Variants in SLC38A1 observed in about 807,000 individuals in gnomAD.
SLC38A1 encodes solute carrier family 38 member 1, also known as sodium-coupled neutral amino acid symporter 1.
Under a neutral mutation model 60.3 loss-of-function variants are expected in SLC38A1, and 18 were observed. The ratio of observed to expected loss-of-function variants is 0.30; its 90% CI spans 0.21 to 0.44. The LOEUF is 0.44. Among genes scored for constraint, SLC38A1 ranks in the 20% least tolerant of loss-of-function variants. The pLI is 1.00. For missense variants in SLC38A1, 448 were observed against 587.2 expected, an observed-to-expected ratio of 0.76 and a Z score of 2.45; for synonymous variants, 196 against 212.1, an observed-to-expected ratio of 0.92 and a Z score of 0.66.
At chr12:46,207,402 G>A in intron 7 of SLC38A1, 127 bp downstream of exon 7, 1 of 1,086,630 alleles carries the variant, frequency 9.2e-7, no homozygotes, top group Non-Finnish European at 1.4e-6. Context: ...TGCTGTCTCT[G>A]CTTTACTTTC....
rs528596146 is a variant in SLC38A1, at chr12:46,239,393, C to T, written c.122+286G>A. 5.0e-4 allele frequency: 104 copies of T among 209,418 alleles called. 1 individual carries two copies. Among genetic ancestry groups the T allele is most frequent in the African/African-American group, 2.1e-3 (92 of 43,228 alleles). 13.0% of individuals were successfully genotyped at this position (209,418 alleles called of 1,614,324 possible). A position where few individuals can be genotyped will look rare whatever the true frequency, so the allele number is the denominator to read the frequency against. On this transcript the variant is annotated intron_variant, in intron 3 of 16. Coordinates refer to ENST00000398637, the MANE Select transcript of SLC38A1 (RefSeq NM_030674.4). ...AGGCTGTAGTGCAGTGGCATGATCT[C>T]GGCTCACTGCAACCTCCGCCTCTCA...
At chr12:46,244,226 G>T (rs188827284) in intron 1 of SLC38A1, among the ~76,000 whole-genome samples, 222 of 152,286 alleles carry the variant, frequency 1.5e-3, no homozygotes, top group African/African-American at 5.1e-3. Flanking sequence ...GAGAGATCAG[G>T]TAAGTCTTAA....
At position 46,202,429 on chromosome 12, in the gene SLC38A1, G is replaced by A. The variant is rs562208396; in HGVS notation, c.902+581C>T. ...ATGTTTGATAACCATAGGCTAAAAA[G>A]AGACATGAAGAAGTTTATAAGCAGG... On this transcript the variant is annotated intron_variant, in intron 12 of 16. Coordinates refer to ENST00000398637, the MANE Select transcript of SLC38A1 (RefSeq NM_030674.4). 4.9e-4 allele frequency among the ~76,000 whole-genome samples: 74 copies of A among 152,222 alleles called. 1 individual carries two copies. The highest frequency in any genetic ancestry group is 1.7e-3 in the African/African-American group (69 of 41,532).
chr12:46,262,343 A>G (rs1942223210), intron 1 of SLC38A1, among the ~76,000 whole-genome samples: 1 of 152,158 alleles, frequency 6.6e-6, no homozygotes, highest in Admixed American at 6.5e-5. Flanking sequence ...TCAACCTATA[A>G]CTGGATATAG....
chr12:46,240,658 G>T (rs868484095), intron 2 of SLC38A1, among the ~76,000 whole-genome samples: 1 of 152,112 alleles, frequency 6.6e-6, no homozygotes, highest in Non-Finnish European at 1.5e-5. Flanking sequence ...ACGCAACCCT[G>T]GTAGTCAACC....
At chr12:46,259,162 A>G (rs911064402) in intron 1 of SLC38A1, among the ~76,000 whole-genome samples, 1 of 152,240 alleles carries the variant, frequency 6.6e-6, no homozygotes, top group Non-Finnish European at 1.5e-5. Flanking sequence ...CCTTAAATAC[A>G]TATAATTTTT....
intron 3 of SLC38A1, among the ~76,000 whole-genome samples, chr12:46,237,157 T>C (rs1364578890): frequency 6.6e-6 from 1 of 152,238 alleles, no homozygotes; most frequent in Non-Finnish European, 1.5e-5. Context: ...CAATGTTTGT[T>C]TTCAACATTT....
chr12:46,223,486 CATTT>C (rs537386130), intron 5 of SLC38A1, among the ~76,000 whole-genome samples: 20 of 150,482 alleles, frequency 1.3e-4, no homozygotes, highest in Non-Finnish European at 2.6e-4. Context: ...ACACCCCACT[CATTT>C]ATTCTTCCTA....
chr12:46,261,912 G>C (rs1942208593), intron 1 of SLC38A1, among the ~76,000 whole-genome samples: 1 of 152,200 alleles, frequency 6.6e-6, no homozygotes, highest in Non-Finnish European at 1.5e-5. Context: ...AAGTGAGGGG[G>C]TGCTGCAGGC....
intron 3 of SLC38A1, among the ~76,000 whole-genome samples, chr12:46,230,795 ACAG>A (rs1167329984): frequency 1.3e-5 from 2 of 152,246 alleles, no homozygotes; most frequent in Admixed American, 6.5e-5. Flanking sequence ...GAAAACTCCA[ACAG>A]CAGATGTTGG....
intron 16 of SLC38A1, among the ~76,000 whole-genome samples, chr12:46,193,524 A>T (rs1939233883): frequency 6.6e-6 from 1 of 152,174 alleles, no homozygotes; most frequent in Non-Finnish European, 1.5e-5. Context: ...TAATATTGAC[A>T]GTGGGGTGTT....
intron 3 of SLC38A1, among the ~76,000 whole-genome samples, chr12:46,235,334 G>A (rs1479808780): frequency 1.3e-5 from 2 of 152,184 alleles, no homozygotes; most frequent in Non-Finnish European, 2.9e-5. Flanking sequence ...AAAGAGATGA[G>A]TGGTTGAACT....
chr12:46,234,071 C>T (rs1011873355), intron 3 of SLC38A1, among the ~76,000 whole-genome samples: 13 of 152,188 alleles, frequency 8.5e-5, no homozygotes, highest in African/African-American at 3.1e-4. Context: ...CCAATCTTTC[C>T]CTATCAGTTC....
intron 8 of SLC38A1, among the ~76,000 whole-genome samples, chr12:46,206,380 G>GT (rs373067381): frequency 0.21 from 31,160 of 146,608 alleles, 4,165 homozygotes; most frequent in African/African-American, 0.4. Context: ...GGGAATATTG[G>GT]TTTTTTTTTT....
chr12:46,204,476 A>G, intron 10 of SLC38A1, 56 bp downstream of exon 10: 2 of 1,592,212 alleles, frequency 1.3e-6, no homozygotes, highest in Non-Finnish European at 1.7e-6. Context: ...ATGAATAATT[A>G]TTACATGCCA....
chr12:46,217,266 G>C (rs972937173), intron 5 of SLC38A1, among the ~76,000 whole-genome samples: 10 of 152,132 alleles, frequency 6.6e-5, no homozygotes, highest in East Asian at 1.9e-4. Flanking sequence ...AACCCTGGTA[G>C]TATGACTCCA....
chr12:46,208,423 G>C (rs563536104), intron 6 of SLC38A1, among the ~76,000 whole-genome samples: 1 of 152,142 alleles, frequency 6.6e-6, no homozygotes, highest in Non-Finnish European at 1.5e-5. Context: ...GTTTAAACTA[G>C]ACAATGGTTA....
At chr12:46,238,344 A>G (rs760441403) in intron 3 of SLC38A1, among the ~76,000 whole-genome samples, 13 of 152,216 alleles carry the variant, frequency 8.5e-5, no homozygotes, top group Non-Finnish European at 1.3e-4. Context: ...AAAGGAGGAA[A>G]AAAGGAGAAC....
Position 46,183,852 on chromosome 12 carries a change from T to C in SLC38A1, c.*5118A>G, listed in dbSNP as rs1938848930. 1 of 152,370 alleles carries C rather than the reference T, an allele frequency of 6.6e-6. No homozygotes were observed. Among genetic ancestry groups the C allele is most frequent in the East Asian group, 1.9e-4 (1 of 5,204 alleles). The allele number at this position is 152,370 out of a possible 1,614,324, so 9.4% of individuals were successfully genotyped here. On this transcript the variant is annotated 3_prime_UTR_variant, in exon 17 of 17. Coordinates refer to ENST00000398637, the MANE Select transcript of SLC38A1 (RefSeq NM_030674.4). ...CCAAGTTTACATTGAGAGAACTATG[T>C]TACCTGGGAGAGAATGTAAATTTTT... is the stretch of plus-strand genomic sequence containing the variant.
Sources: allele counts gnomAD v4.1 joint callset (sites outside exome capture counted in the v4.1 genomes callset), GRCh38; gene constraint gnomAD v4.1.1; transcripts MANE v1.5; gene names NCBI Gene and HGNC (gene_info 2026-07-23, HGNC 2026-07-21).